The following TPP2 variants were observed in gnomAD, a reference collection of about 807,000 sequenced individuals.
TPP2 encodes the protein tripeptidyl peptidase 2.
TPP2 carries 34 observed loss-of-function variants against 155.9 expected under a neutral mutation model. That is an observed-to-expected ratio of 0.22 (90% CI 0.17 to 0.29). TPP2 has a LOEUF of 0.29. Ranked by LOEUF, TPP2 falls within the 10% of genes least tolerant of loss-of-function variation. The pLI, the probability that TPP2 is intolerant of heterozygous loss-of-function variation, is 1.00. For missense variants in TPP2, 1,028 were observed against 1,522.3 expected, an observed-to-expected ratio of 0.68 and a Z score of 5.40; for synonymous variants, 510 against 529.4, an observed-to-expected ratio of 0.96 and a Z score of 0.50.
intron 5 of TPP2, among the ~76,000 whole-genome samples, chr13:102,620,561 A>G (rs1881079923): frequency 6.6e-6 from 1 of 152,174 alleles, no homozygotes; most frequent in Non-Finnish European, 1.5e-5. Flanking sequence ...AATGCCAACC[A>G]TTTCTGAAGG....
chr13:102,640,462 ATG>A, intron 16 of TPP2, 86 bp downstream of exon 16: 1 of 1,023,306 alleles, frequency 9.8e-7, no homozygotes. Flanking sequence ...TATCTGTAGC[ATG>A]TATTTCCCTG....
At chr13:102,647,060 T>C (rs1208419107) in intron 20 of TPP2, 147 bp from the exon 21 acceptor site, 11 of 911,528 alleles carry the variant, frequency 1.2e-5, no homozygotes, top group African/African-American at 1.7e-5. Context: ...GCTAAAATAC[T>C]GTGTGTTCTA....
chr13:102,635,668 T>C lies in TPP2; in HGVS notation c.1475T>C (p.Ile492Thr). The C allele has an allele frequency of 6.2e-7, 1 of 1,613,262 alleles. No individual in the cohort carries two copies. The highest frequency in any genetic ancestry group is 8.5e-7 in the Non-Finnish European group (1 of 1,179,708). ...LENTAVKADNIEVFAQGHGII... is the reference protein window; with the variant it reads ...LENTAVKADNTEVFAQGHGII... ...AACACTGCAGTGAAGGCTGACAATA[T>C]AGAAGTATTTGCTCAAGGACATGGT... Residue 492 changes from isoleucine (I) to threonine (T), a missense_variant, in exon 12 of 30, where the codon ATA becomes ACA. This residue lies in a region of TPP2 where 325 missense variants were observed against 463.7 expected (regional missense o/e 0.70). Coordinates refer to ENST00000376052, the MANE Select transcript of TPP2 (RefSeq NM_001330588.2).
chr13:102,660,444 A>T (rs561700666), intron 25 of TPP2, among the ~76,000 whole-genome samples: 1 of 152,214 alleles, frequency 6.6e-6, no homozygotes, highest in South Asian at 2.1e-4. Flanking sequence ...TTAACAAGAG[A>T]TGTAAGAATT....
chr13:102,656,287 T>C (rs1045663443), intron 24 of TPP2, among the ~76,000 whole-genome samples: 12 of 152,160 alleles, frequency 7.9e-5, no homozygotes, highest in African/African-American at 2.7e-4. Flanking sequence ...TATAGTATTT[T>C]TTCTTTTCTT....
chr13:102,664,845 T>C lies in TPP2; in HGVS notation c.3291T>C (p.Ile1097=). Residue 1097 remains isoleucine, a synonymous_variant, in exon 27 of 30, where the codon ATT becomes ATC. Transcript: ENST00000376052. ...TTGTTGATGCGGCAAATGCTGTTAT[T>C]TCTCATATAGATCAAACAGCCCTAG... The part of the protein sequence containing the change: ...NEIVDAANAV[I]SHIDQTALAV... 1 of 1,613,764 alleles carries C rather than the reference T, an allele frequency of 6.2e-7. No homozygotes were observed. Among genetic ancestry groups the C allele is most frequent in the Non-Finnish European group, 8.5e-7 (1 of 1,179,820 alleles).
In TPP2 at chr13:102,674,284, G is replaced by C; in HGVS notation, c.3373G>C (p.Asp1125His). The change falls in exon 28 of 30, where the codon GAC becomes CAC. Residue 1125 changes from aspartate (D) to histidine (H), a missense_variant and splice_region_variant. Around this residue, in one of 7 missense-constraint regions of TPP2, gnomAD observed 116 missense variants for 117.3 expected, o/e 0.99. Coordinates refer to ENST00000376052, the MANE Select transcript of TPP2 (RefSeq NM_001330588.2). ...AATATTTTTTAATTTGCTGTACAGT[G>C]ACATGGACAAACAAAAATCCACCCT... The part of the protein sequence containing the change: ...PRPDAATIKN[D>H]MDKQKSTLVD... 6.2e-7 allele frequency: 1 copy of C among 1,613,344 alleles called. No homozygotes were observed. Among genetic ancestry groups the C allele is most frequent in the South Asian group, 1.1e-5 (1 of 91,020 alleles).
Position 102,606,010 on chromosome 13 carries a change from G to C in TPP2, c.294+1089G>C, listed in dbSNP as rs112745315. 7.9e-3 allele frequency among the ~76,000 whole-genome samples: 1,199 copies of C among 152,260 alleles called. 18 individuals carry two copies. Among genetic ancestry groups the C allele is most frequent in the African/African-American group, 0.027 (1,132 of 41,538 alleles). ...GTGCTGGGATTATAGGCGTGAGCCA[G>C]GGCACTCGGCCTACCAGCTTTGTCT... On this transcript the variant is annotated intron_variant, in intron 2 of 29. Transcript: ENST00000376052.
intron 5 of TPP2, among the ~76,000 whole-genome samples, chr13:102,622,317 G>A (rs2139460977): frequency 6.6e-6 from 1 of 152,274 alleles, no homozygotes; most frequent in East Asian, 1.9e-4. Flanking sequence ...ATCTTCTAAA[G>A]TGTTCGGAAT....
intron 24 of TPP2, among the ~76,000 whole-genome samples, chr13:102,654,775 T>A (rs1353021417): frequency 6.6e-6 from 1 of 152,206 alleles, no homozygotes; most frequent in Non-Finnish European, 1.5e-5. Context: ...TTAGCCCCTT[T>A]AATTCCTAGA....
intron 1 of TPP2, among the ~76,000 whole-genome samples, chr13:102,600,934 G>A (rs1434722455): frequency 6.6e-6 from 1 of 151,184 alleles, no homozygotes; most frequent in Non-Finnish European, 1.5e-5. Flanking sequence ...CCAGGCTGGA[G>A]TACAGTGGCA....
At chr13:102,648,882 C>A in intron 21 of TPP2, 25 bp from the exon 22 acceptor site, 1 of 1,562,906 alleles carries the variant, frequency 6.4e-7, no homozygotes, top group South Asian at 1.2e-5. Flanking sequence ...CTTAACTTTT[C>A]CCAAATGTTG....
chr13:102,646,641 C>T (rs886212682), intron 20 of TPP2, among the ~76,000 whole-genome samples: 1 of 152,188 alleles, frequency 6.6e-6, no homozygotes, highest in Non-Finnish European at 1.5e-5. Flanking sequence ...TCACTGATCA[C>T]TGTCCATTGG....
At chr13:102,654,951 C>G in intron 24 of TPP2, 1 of 499,218 alleles carries the variant, frequency 2.0e-6, no homozygotes, top group Non-Finnish European at 4.0e-6. Context: ...CAGCTGGGTC[C>G]TGAAAGAGCT....
intron 11 of TPP2, among the ~76,000 whole-genome samples, chr13:102,634,685 C>T (rs1882255698): frequency 6.6e-6 from 1 of 152,200 alleles, no homozygotes; most frequent in African/African-American, 2.4e-5. Flanking sequence ...CACATCTCCT[C>T]AGCATGGCCT....
chr13:102,662,151 A>C (rs1196089139), intron 25 of TPP2, among the ~76,000 whole-genome samples: 1 of 152,196 alleles, frequency 6.6e-6, no homozygotes, highest in East Asian at 1.9e-4. Context: ...GGTAGTAGCC[A>C]GTCACAAAAA....
In TPP2 at chr13:102,604,852, T is replaced by C; in HGVS notation, c.225T>C (p.Asp75=). ...TCATTGATACAACAGGAAGTGGCGA[T>C]GTGAATACTGCTACAGAAGTAGAGC... ...VDIIDTTGSG[D]VNTATEVEPK... is the part of the protein sequence containing the mutation. The change falls in exon 2 of 30, where the codon GAT becomes GAC. Residue 75 remains aspartate, a synonymous_variant. Coordinates refer to ENST00000376052, the MANE Select transcript of TPP2 (RefSeq NM_001330588.2). 1.2e-6 allele frequency: 2 copies of C among 1,614,184 alleles called. No homozygotes were observed. Among genetic ancestry groups the C allele is most frequent in the South Asian group, 1.1e-5 (1 of 91,076 alleles).
At position 102,651,391 on chromosome 13, in the gene TPP2, TA is replaced by T; in HGVS notation, c.2990del (p.Lys997ArgfsTer3). On this transcript the variant is annotated frameshift_variant, in exon 24 of 30. Transcript: ENST00000376052. LOFTEE classifies it high-confidence loss of function. ...QSAAKRQGKF[K>X]KDVIPVHYYL... The stretch of plus-strand genomic sequence containing the variant: ...CTGCAGCAAAACGACAAGGAAAATT[TA>T]AAAAGGTACTGATTGTCAGTTCTTA... The T allele has an allele frequency of 6.3e-7, 1 of 1,580,152 alleles. No individual in the cohort carries two copies. Among genetic ancestry groups the T allele is most frequent in the South Asian group, 1.2e-5 (1 of 86,262 alleles).
At chr13:102,652,612 C>A (rs1231008737) in intron 24 of TPP2, among the ~76,000 whole-genome samples, 1 of 134,548 alleles carries the variant, frequency 7.4e-6, no homozygotes, top group East Asian at 2.1e-4. Flanking sequence ...TGGGGAATCA[C>A]CATTCTATAA....
Sources: allele counts gnomAD v4.1 joint callset (sites outside exome capture counted in the v4.1 genomes callset), GRCh38; gene constraint gnomAD v4.1.1; regional missense constraint gnomAD v4.1.1; transcripts MANE v1.5; gene names NCBI Gene and HGNC (gene_info 2026-07-23, HGNC 2026-07-21).